Variants in SLC23A3 observed in about 807,000 individuals in gnomAD.
The protein encoded by SLC23A3 is solute carrier family 23 member 3.
In SLC23A3, 41 loss-of-function variants were observed where a neutral mutation model predicts 64.7. The ratio of observed to expected loss-of-function variants is 0.63; its 90% CI spans 0.49 to 0.82. The LOEUF (loss-of-function observed/expected upper bound fraction) is 0.82. Ranked by LOEUF, SLC23A3 falls within the 40% of genes least tolerant of loss-of-function variation. The pLI is 0.00. For missense variants in SLC23A3, 647 were observed against 733.4 expected (o/e 0.88, Z 1.36); for synonymous variants, 281 against 306.8 (o/e 0.92, Z 0.88).
At position 219,169,597 on chromosome 2, in the gene SLC23A3, A is replaced by T; in HGVS notation, c.244T>A (p.Ser82Thr). The change falls in exon 2 of 12, where the codon TCC (serine) becomes ACC (threonine). Residue 82 changes from serine (S) to threonine (T), a missense_variant. By Grantham distance (58) the Ser-to-Thr change is moderately conservative. Coordinates refer to ENST00000409878, the MANE Select transcript of SLC23A3 (RefSeq NM_001144889.2). The surrounding 1 kb of genome is among the most constrained non-coding windows in gnomAD (Gnocchi z 4.5). ...CSLSPGGLSY[S>T]PSQLLASSFF... ...CTGGAGGCCAGGAGCTGAGAAGGGG[A>T]GTAAGAGAGTCCTCCTGGGGAGAGA... The T allele has an allele frequency of 6.2e-7, 1 of 1,614,184 alleles. No homozygotes were observed.
At chr2:219,164,424 G>T in intron 8 of SLC23A3, 86 bp from the exon 9 acceptor site, 1 of 855,180 alleles carries the variant, frequency 1.2e-6, no homozygotes, top group Non-Finnish European at 1.9e-6. Context: ...CTCATCATTT[G>T]GATCCCAGCT....
chr2:219,168,095 A>G, intron 6 of SLC23A3, 51 bp from the exon 7 acceptor site: 1 of 1,568,044 alleles, frequency 6.4e-7, no homozygotes, highest in Non-Finnish European at 8.6e-7. Context: ...CTTCTGAGCC[A>G]GCCTTGCAGG....
chr2:219,166,799 G>T (rs991521159), intron 7 of SLC23A3, among the ~76,000 whole-genome samples: 18 of 152,160 alleles, frequency 1.2e-4, no homozygotes, highest in Admixed American at 3.3e-4. Context: ...CTCCCAAAGT[G>T]CTGGGATTAT....
At position 219,169,803 on chromosome 2, in the gene SLC23A3, C is replaced by T. The variant is rs1950043283; in HGVS notation, c.162+20G>A. ...CACACACCATCAGGCAGCACCAACT[C>T]CTGCACCTCTGCCTCCTACCTGCAG... On this transcript the variant is annotated intron_variant, in intron 1 of 11. Coordinates refer to ENST00000409878, the MANE Select transcript of SLC23A3 (RefSeq NM_001144889.2). This position sits in a 1 kb window ranked among gnomAD's most constrained non-coding sequence, Gnocchi z 4.5. 1.2e-6 allele frequency: 2 copies of T among 1,613,546 alleles called. No individual in the cohort carries two copies. The highest frequency in any genetic ancestry group is 1.7e-5 in the Admixed American group (1 of 59,920).
In SLC23A3 at chr2:219,162,188, T is replaced by A. The variant is rs760995780; in HGVS notation, c.1554A>T (p.Arg518=). Residue 518 remains arginine, a synonymous_variant, in exon 12 of 12, where the codon CGA becomes CGT. Coordinates refer to ENST00000409878, the MANE Select transcript of SLC23A3 (RefSeq NM_001144889.2). ...GAGATGGTAGCCCTTGACCTAGGCCTCGCTCAAGCTGTGTGCCTGCAAAAG... is the reference window on the plus strand; with the variant it reads ...GAGATGGTAGCCCTTGACCTAGGCCACGCTCAAGCTGTGTGCCTGCAAAAG... The part of the protein sequence containing the change: ...ENTIPGTQLE[R]GLGQGLPSPF... The A allele has an allele frequency of 6.2e-7, 1 of 1,610,762 alleles. No homozygotes were observed. The highest frequency in any genetic ancestry group is 8.5e-7 in the Non-Finnish European group (1 of 1,177,594).
At chr2:219,167,664 C>T (rs1950016618) in intron 7 of SLC23A3, among the ~76,000 whole-genome samples, 1 of 151,112 alleles carries the variant, frequency 6.6e-6, no homozygotes, top group Non-Finnish European at 1.5e-5. Flanking sequence ...ATCACCTGGG[C>T]CTGGGAGGTT....
At chr2:219,167,864 A>T (rs1271296372) in intron 7 of SLC23A3, 66 bp downstream of exon 7, 1 of 1,205,012 alleles carries the variant, frequency 8.3e-7, no homozygotes, top group African/African-American at 1.6e-5. Flanking sequence ...AAATCCATTA[A>T]GTTCTTTGAG....
chr2:219,165,194 T>C lies in SLC23A3; in HGVS notation c.1142A>G (p.Asn381Ser), dbSNP rs1170941647. Reference protein sequence around the residue: ...SPMGTASSFPNVGKVGLIQAG... With the variant: ...SPMGTASSFPSVGKVGLIQAG... ...CTGGATAAGACCCACTTTGCCCACG[T>C]TGGGGAAGCTGGATGCAGTGCCCAT... Residue 381 changes from asparagine (N) to serine (S), a missense_variant, in exon 8 of 12, where the codon AAC becomes AGC. Coordinates refer to ENST00000409878, the MANE Select transcript of SLC23A3 (RefSeq NM_001144889.2). 6 of 1,551,776 alleles carry C rather than the reference T, an allele frequency of 3.9e-6. No homozygotes were observed. The highest frequency in any genetic ancestry group is 3.9e-5 in the Admixed American group (2 of 50,976).
rs1949970512 is a variant in SLC23A3 at position 219,163,482 on chromosome 2, G to A, written c.1347C>T (p.Asp449=). The A allele has an allele frequency of 2.5e-6, 4 of 1,614,052 alleles. No homozygotes were observed. The highest frequency in any genetic ancestry group is 2.5e-6 in the Non-Finnish European group (3 of 1,180,046). The change falls in exon 10 of 12, where the codon GAC becomes GAT. Residue 449 remains aspartate, a synonymous_variant. Coordinates refer to ENST00000409878, the MANE Select transcript of SLC23A3 (RefSeq NM_001144889.2). ...GFSSFYLADI[D]SGRNIFIVGF... ...CCACAATGAAGATATTTCGCCCAGA[G>A]TCTATGTCAGCCAGGTAGAAGCTGG...
Position 219,169,761 on chromosome 2 carries a change from C to G in SLC23A3, c.162+62G>C. On this transcript the variant is annotated intron_variant, in intron 1 of 11. Coordinates refer to ENST00000409878, the MANE Select transcript of SLC23A3 (RefSeq NM_001144889.2). This position sits in a 1 kb window ranked among gnomAD's most constrained non-coding sequence, Gnocchi z 4.5. The stretch of plus-strand genomic sequence containing the variant: ...TTCCAGAGGCTTTCACATGCCACAT[C>G]TACACCTACTTCCCCACACACACCA... 1 of 1,609,792 alleles carries G rather than the reference C, an allele frequency of 6.2e-7. No homozygotes were observed. The highest frequency in any genetic ancestry group is 1.1e-5 in the South Asian group (1 of 90,872).
intron 7 of SLC23A3, 94 bp downstream of exon 7, chr2:219,167,836 G>A (rs1950018840): frequency 3.0e-6 from 3 of 1,002,774 alleles, no homozygotes; most frequent in Non-Finnish European, 3.0e-6. Flanking sequence ...AAAAAACACA[G>A]GATTTAACTC....
At chr2:219,164,751 G>A (rs1233342630) in intron 8 of SLC23A3, 1 of 244,390 alleles carries the variant, frequency 4.1e-6, no homozygotes, top group Non-Finnish European at 7.8e-6. Flanking sequence ...GTAGAGACAG[G>A]GTTTCACCAT....
intron 9 of SLC23A3, 46 bp from the exon 10 acceptor site, chr2:219,163,601 G>A: frequency 6.4e-7 from 1 of 1,570,784 alleles, no homozygotes; most frequent in East Asian, 2.2e-5. Flanking sequence ...GAGTCAAGGG[G>A]GCTCACATAG....
intron 5 of SLC23A3, 106 bp from the exon 6 acceptor site, chr2:219,168,424 G>A: frequency 2.2e-6 from 3 of 1,345,048 alleles, no homozygotes. Flanking sequence ...TGATACCAGA[G>A]AAGGAAACTC....
At position 219,169,385 on chromosome 2, in the gene SLC23A3, T is replaced by A; in HGVS notation, c.342A>T (p.Pro114=). ...MGSRLPLVQA[P]SLEFLIPALV... is the part of the protein sequence containing the mutation. ...GAGCAGGGATAAGGAACTCTAAGGATGGAGCCTGGACAAGAGGCAGCCTGT... is the reference window on the plus strand; with the variant it reads ...GAGCAGGGATAAGGAACTCTAAGGAAGGAGCCTGGACAAGAGGCAGCCTGT... The change falls in exon 3 of 12, where the codon CCA becomes CCT. Residue 114 remains proline, a synonymous_variant. Transcript: ENST00000409878. This position sits in a 1 kb window ranked among gnomAD's most constrained non-coding sequence, Gnocchi z 4.5. 1 of 1,614,136 alleles carries A rather than the reference T, an allele frequency of 6.2e-7. No individual in the cohort carries two copies. Among genetic ancestry groups the A allele is most frequent in the East Asian group, 2.2e-5 (1 of 44,872 alleles).
At chr2:219,168,432 C>T in intron 5 of SLC23A3, 114 bp from the exon 6 acceptor site, 1 of 1,323,408 alleles carries the variant, frequency 7.6e-7, no homozygotes, top group Admixed American at 2.8e-5. Context: ...GAGAAGGAAA[C>T]TCCCATGGAA....
intron 5 of SLC23A3, 39 bp downstream of exon 5, chr2:219,168,613 C>T (rs374152624): frequency 1.3e-6 from 2 of 1,597,690 alleles, no homozygotes; most frequent in East Asian, 2.2e-5. Context: ...CCATACACCC[C>T]CACTGGGCAC....
rs766842597 is a variant in SLC23A3 at position 219,169,308 on chromosome 2, C to T, written c.418+1G>A. The stretch of plus-strand genomic sequence containing the variant: ...ACCCCTTGCCCTTGCTCTGTGCTCA[C>T]AGTTTCCAGGTGTCTGGATGGCCCG... On this transcript the variant is annotated splice_donor_variant, in intron 3 of 11. Transcript: ENST00000409878. LOFTEE classifies it high-confidence loss of function. The surrounding 1 kb of genome is among the most constrained non-coding windows in gnomAD (Gnocchi z 4.5). The T allele has an allele frequency of 1.9e-6, 3 of 1,614,214 alleles. No homozygotes were observed. Among genetic ancestry groups the T allele is most frequent in the Non-Finnish European group, 1.7e-6 (2 of 1,180,034 alleles).
In SLC23A3 at chr2:219,161,768, T is replaced by C. The variant is rs549968335; in HGVS notation, c.*141A>G. On this transcript the variant is annotated 3_prime_UTR_variant, in exon 12 of 12. Coordinates refer to ENST00000409878, the MANE Select transcript of SLC23A3 (RefSeq NM_001144889.2). Reference sequence around the variant, plus strand: ...AGACAAGGAAAGGCAACCCACCCTATTGGGAAATGGAACCTCTAGACAGTC... The same window carrying C: ...AGACAAGGAAAGGCAACCCACCCTACTGGGAAATGGAACCTCTAGACAGTC... The C allele has an allele frequency of 1.0e-5, 9 of 871,254 alleles. No individual in the cohort carries two copies. Among genetic ancestry groups the C allele is most frequent in the Admixed American group, 5.8e-5 (2 of 34,352 alleles). The allele number at this position is 871,254 out of a possible 1,614,324, so 54.0% of individuals were successfully genotyped here.
Sources: allele counts gnomAD v4.1 joint callset (sites outside exome capture counted in the v4.1 genomes callset), GRCh38; gene constraint gnomAD v4.1.1; non-coding constraint Gnocchi (gnomAD v3.1); transcripts MANE v1.5; gene names NCBI Gene and HGNC (gene_info 2026-07-23, HGNC 2026-07-21).